Variants in C1QTNF3 observed in about 807,000 individuals in gnomAD.
The protein encoded by C1QTNF3 is C1q and TNF related 3, also known as complement C1q tumor necrosis factor-related protein 3.
In C1QTNF3, 26 loss-of-function variants were observed where a neutral mutation model predicts 32.6. The ratio of observed to expected loss-of-function variants is 0.80; its 90% CI spans 0.58 to 1.11. The LOEUF is 1.11. C1QTNF3 is among the 50% of genes least tolerant of loss of function. The pLI is 0.00. For missense variants in C1QTNF3, 362 were observed against 398.2 expected, an observed-to-expected ratio of 0.91 and a Z score of 0.77; for synonymous variants, 155 against 146.0, an observed-to-expected ratio of 1.06 and a Z score of -0.44.
At chr5:34,064,464 T>G in the C1QTNF3 span, among the ~76,000 whole-genome samples, 2 of 152,132 alleles carry the variant, frequency 1.3e-5, no homozygotes, top group African/African-American at 4.8e-5. Flanking sequence ...ATAGCTCTAT[T>G]AGAAGCCATA....
chr5:34,205,271 C>A, the C1QTNF3 span, among the ~76,000 whole-genome samples: 1 of 152,146 alleles, frequency 6.6e-6, no homozygotes, highest in Non-Finnish European at 1.5e-5. Flanking sequence ...CTGATGCTTG[C>A]GGGACTAGGT....
the C1QTNF3 span, among the ~76,000 whole-genome samples, chr5:34,155,081 T>G: frequency 2.0e-5 from 3 of 152,202 alleles, no homozygotes; most frequent in Non-Finnish European, 4.4e-5. Flanking sequence ...TTAAAATGGC[T>G]TGTGGAAGTA....
the C1QTNF3 span, among the ~76,000 whole-genome samples, chr5:34,101,780 T>C: frequency 1.3e-5 from 2 of 152,026 alleles, no homozygotes; most frequent in African/African-American, 4.8e-5. Context: ...TCTTTGATCA[T>C]TTCAGATCCT....
intron 2 of C1QTNF3, 94 bp from the exon 3 acceptor site, chr5:34,033,552 G>T: frequency 6.7e-7 from 1 of 1,488,432 alleles, no homozygotes; most frequent in South Asian, 1.2e-5. Flanking sequence ...TTATGAAAGG[G>T]GACCATTCAG....
At chr5:34,105,551 C>G in the C1QTNF3 span, among the ~76,000 whole-genome samples, 1 of 151,844 alleles carries the variant, frequency 6.6e-6, no homozygotes, top group Non-Finnish European at 1.5e-5. Flanking sequence ...ATGAGAGACT[C>G]CTTTATATTG....
the C1QTNF3 span, among the ~76,000 whole-genome samples, chr5:34,172,668 A>G: frequency 6.6e-6 from 1 of 152,222 alleles, no homozygotes; most frequent in African/African-American, 2.4e-5. Flanking sequence ...TCCCACACAG[A>G]AAATTCTTTA....
At chr5:34,237,161 G>A in the C1QTNF3 span, among the ~76,000 whole-genome samples, 3 of 152,088 alleles carry the variant, frequency 2.0e-5, no homozygotes, top group African/African-American at 4.8e-5. Context: ...AAAGGTAAGC[G>A]GAGTAATATT....
At position 34,020,514 on chromosome 5, in the gene C1QTNF3, T is replaced by G; in HGVS notation, c.*69A>C. On this transcript the variant is annotated 3_prime_UTR_variant, in exon 6 of 6. Coordinates refer to ENST00000382065, the MANE Select transcript of C1QTNF3 (RefSeq NM_181435.6). ...CAATGTAAAACCCTCAACTTTAATG[T>G]TCCTCAGATCGTAACAAATCAGCTC... 1 of 1,539,688 alleles carries G rather than the reference T, an allele frequency of 6.5e-7. No homozygotes were observed. The highest frequency in any genetic ancestry group is 8.8e-7 in the Non-Finnish European group (1 of 1,132,458).
At chr5:34,031,730 G>A (rs1332054654) in intron 3 of C1QTNF3, among the ~76,000 whole-genome samples, 2 of 152,172 alleles carry the variant, frequency 1.3e-5, no homozygotes, top group Admixed American at 6.5e-5. Context: ...AGCTACTCCA[G>A]AGGCTGAGGC....
chr5:34,160,913 A>G, the C1QTNF3 span, among the ~76,000 whole-genome samples: 3 of 152,338 alleles, frequency 2.0e-5, no homozygotes, highest in Non-Finnish European at 4.4e-5. Context: ...ATTGGGAAAA[A>G]AAAGAAAGAA....
chr5:34,144,281 T>C, the C1QTNF3 span, among the ~76,000 whole-genome samples: 7 of 152,344 alleles, frequency 4.6e-5, no homozygotes, highest in East Asian at 1.3e-3. Flanking sequence ...AAGTTCCTCT[T>C]TATCTACCAA....
upstream of C1QTNF3, chr5:34,043,838 T>C (rs1024874531): frequency 6.6e-6 from 1 of 152,200 alleles, no homozygotes; most frequent in Non-Finnish European, 1.5e-5. Flanking sequence ...CAAAATTAAA[T>C]CAAAGTTAAC....
At chr5:34,223,141 A>C in the C1QTNF3 span, among the ~76,000 whole-genome samples, 1 of 147,586 alleles carries the variant, frequency 6.8e-6, no homozygotes, top group East Asian at 2.1e-4. Context: ...TTAGCATTAG[A>C]TATATCTCCT....
the C1QTNF3 span, among the ~76,000 whole-genome samples, chr5:34,221,195 G>T: frequency 6.6e-6 from 1 of 152,012 alleles, no homozygotes; most frequent in East Asian, 1.9e-4. Context: ...ACAAGGTCAA[G>T]GAATTTTATA....
At chr5:34,110,581 GA>G in the C1QTNF3 span, among the ~76,000 whole-genome samples, 1 of 151,264 alleles carries the variant, frequency 6.6e-6, no homozygotes, top group Admixed American at 6.6e-5. Flanking sequence ...TCTCATTTGA[GA>G]AAAAAAAGAA....
chr5:34,231,878 A>G, the C1QTNF3 span, among the ~76,000 whole-genome samples: 1 of 143,814 alleles, frequency 7.0e-6, no homozygotes, highest in South Asian at 2.4e-4. Flanking sequence ...GAGCTTTGAG[A>G]AGAGGGTCAT....
chr5:34,129,091 T>C, the C1QTNF3 span, among the ~76,000 whole-genome samples: 1 of 152,052 alleles, frequency 6.6e-6, no homozygotes, highest in Non-Finnish European at 1.5e-5. Context: ...GAGTGAGTTC[T>C]CATAAGATCT....
At chr5:34,114,867 A>G in the C1QTNF3 span, among the ~76,000 whole-genome samples, 1 of 152,140 alleles carries the variant, frequency 6.6e-6, no homozygotes, top group South Asian at 2.1e-4. Context: ...CCAGTATAGA[A>G]TATTTATAGG....
chr5:34,211,984 T>A, the C1QTNF3 span, among the ~76,000 whole-genome samples: 1 of 152,114 alleles, frequency 6.6e-6, no homozygotes, highest in Non-Finnish European at 1.5e-5. Flanking sequence ...GGAGGCATCA[T>A]GCTACCTGAC....
Sources: gnomAD v4.1 joint callset for allele counts (sites outside exome capture counted in the v4.1 genomes callset) on GRCh38, gnomAD v4.1.1 for gene constraint, MANE v1.5 for transcripts, NCBI Gene and HGNC (gene_info 2026-07-23, HGNC 2026-07-21) for gene names.